The following ALPK1 variants were observed in gnomAD, a reference collection of about 807,000 sequenced individuals.
The protein encoded by ALPK1 is alpha-protein kinase 1.
Under a neutral mutation model 120.6 loss-of-function variants are expected in ALPK1, and 110 were observed. That is an observed-to-expected ratio of 0.91 (90% CI 0.78 to 1.07). The LOEUF (loss-of-function observed/expected upper bound fraction) is 1.07. Among genes scored for constraint, ALPK1 ranks in the 50% least tolerant of loss-of-function variants. The pLI, the probability that ALPK1 is intolerant of heterozygous loss-of-function variation, is 0.00. For missense variants in ALPK1, 1,498 were observed against 1,483.9 expected (o/e 1.01, Z -0.16); for synonymous variants, 582 against 560.3 (o/e 1.04, Z -0.55).
At chr4:112,336,010 C>A (rs559260906) in intron 2 of ALPK1, among the ~76,000 whole-genome samples, 1 of 152,210 alleles carries the variant, frequency 6.6e-6, no homozygotes, top group African/African-American at 2.4e-5. Context: ...AACCAACCAA[C>A]CAACCAACCA....
intron 2 of ALPK1, among the ~76,000 whole-genome samples, chr4:112,326,528 G>A (rs999883903): frequency 2.0e-5 from 3 of 152,156 alleles, no homozygotes; most frequent in Non-Finnish European, 4.4e-5. Flanking sequence ...ATACTGTGGA[G>A]AGAGAGAAAG....
intron 2 of ALPK1, among the ~76,000 whole-genome samples, chr4:112,342,507 A>C (rs1390738502): frequency 6.6e-6 from 1 of 152,186 alleles, no homozygotes; most frequent in Admixed American, 6.5e-5. Context: ...AGAATTTCAA[A>C]ATCTTATATA....
chr4:112,363,084 G>A (rs1219972981), intron 2 of ALPK1, among the ~76,000 whole-genome samples: 1 of 152,196 alleles, frequency 6.6e-6, no homozygotes, highest in African/African-American at 2.4e-5. Context: ...CTGCTAAAAG[G>A]AGCTCTAAAT....
rs1578543290 is a variant in ALPK1 at position 112,405,793 on chromosome 4, T to G, written c.277-6034T>G. On this transcript the variant is annotated intron_variant, in intron 4 of 15. Transcript: ENST00000650871. ...GGTTTCACTACGTTGGCCAGGCTGG[T>G]CTTGAACTCCTGGCCTCATGATTCA... is the stretch of plus-strand genomic sequence containing the variant. 3.9e-5 allele frequency among the ~76,000 whole-genome samples: 6 copies of G among 152,222 alleles called. No individual in the cohort carries two copies. In the South Asian group the frequency reaches 1.2e-3, roughly 32 times the overall value.
chr4:112,304,909 C>A (rs1180326278), intron 1 of ALPK1, among the ~76,000 whole-genome samples: 1 of 152,052 alleles, frequency 6.6e-6, no homozygotes, highest in African/African-American at 2.4e-5. Context: ...TTTAATCCAT[C>A]TTGAATTAAT....
chr4:112,371,277 G>C (rs1460190631), intron 2 of ALPK1, among the ~76,000 whole-genome samples: 1 of 152,132 alleles, frequency 6.6e-6, no homozygotes, highest in Non-Finnish European at 1.5e-5. Flanking sequence ...AAAACAGAGT[G>C]ATTTTTTCCA....
intron 2 of ALPK1, among the ~76,000 whole-genome samples, chr4:112,362,639 T>A (rs1730962702): frequency 6.6e-6 from 1 of 152,162 alleles, no homozygotes; most frequent in Non-Finnish European, 1.5e-5. Flanking sequence ...AGAAGAGAAA[T>A]CTAAAAGTTT....
chr4:112,329,691 T>C (rs966925433), intron 2 of ALPK1, among the ~76,000 whole-genome samples: 2 of 152,146 alleles, frequency 1.3e-5, no homozygotes, highest in Non-Finnish European at 2.9e-5. Flanking sequence ...CAATCAGAAA[T>C]AGGCTCTGGA....
rs770001847 is a variant in ALPK1 at position 112,411,960 on chromosome 4, T to C, written c.410T>C (p.Leu137Ser). The change falls in exon 5 of 16, where the codon TTG (leucine) becomes TCG (serine). Residue 137 changes from leucine (L) to serine (S), a missense_variant. By Grantham distance (145) the Leu-to-Ser change is moderately radical. Transcript: ENST00000650871. ...LLQVAKGLHK[L>S]QPATPIAPQV... ...CAGGTCGCCAAAGGTCTCCACAAGT[T>C]GCAGCCAGCCACGCCAATTGCCCCG... The C allele has an allele frequency of 8.7e-6, 14 of 1,614,038 alleles. No homozygotes were observed. The South Asian group carries it at 1.3e-4, about 15-fold the overall frequency.
At chr4:112,380,922 G>A (rs974423623) in intron 3 of ALPK1, among the ~76,000 whole-genome samples, 32 of 152,162 alleles carry the variant, frequency 2.1e-4, no homozygotes, top group Non-Finnish European at 3.1e-4. Context: ...CAGAGCAGGC[G>A]CTCAATTCCA....
intron 1 of ALPK1, among the ~76,000 whole-genome samples, chr4:112,312,365 C>T (rs776958657): frequency 1.3e-5 from 2 of 152,130 alleles, no homozygotes; most frequent in Non-Finnish European, 2.9e-5. Flanking sequence ...GCTCCGCCTC[C>T]CGGGTCACGT....
intron 5 of ALPK1, chr4:112,412,476 T>C (rs1733529408): frequency 2.2e-6 from 1 of 457,206 alleles, no homozygotes; most frequent in South Asian, 1.5e-5. Flanking sequence ...TTTGAGGGTT[T>C]TTTTTCATCA....
chr4:112,326,312 G>A (rs557776435), intron 2 of ALPK1, among the ~76,000 whole-genome samples: 10 of 152,266 alleles, frequency 6.6e-5, no homozygotes, highest in Middle Eastern at 3.4e-3. Context: ...AACTAAGGAC[G>A]CTGCAACTGA....
At chr4:112,336,598 T>C (rs1010680760) in intron 2 of ALPK1, among the ~76,000 whole-genome samples, 4 of 152,212 alleles carry the variant, frequency 2.6e-5, no homozygotes, top group African/African-American at 9.6e-5. Context: ...TAAAGTTTTC[T>C]TCCCTCTTAA....
chr4:112,412,012 C>G lies in ALPK1; in HGVS notation c.462C>G (p.Ile154Met). 2 of 1,614,068 alleles carry G rather than the reference C, an allele frequency of 1.2e-6. No homozygotes were observed. Among genetic ancestry groups the G allele is most frequent in the Non-Finnish European group, 1.7e-6 (2 of 1,180,044 alleles). Residue 154 changes from isoleucine (I) to methionine (M), a missense_variant, in exon 5 of 16, where the codon ATC (isoleucine) becomes ATG (methionine). Physicochemically the swap from Ile to Met is conservative, Grantham distance 10 (BLOSUM62 1). Transcript: ENST00000650871. Reference protein sequence around the residue: ...APQVVIRQARISVNSGKLLKA... With the variant: ...APQVVIRQARMSVNSGKLLKA... ...AGGTGGTTATTCGCCAAGCCCGAAT[C>G]TCCGTGAACTCAGGTATGCTCCCTC...
intron 2 of ALPK1, among the ~76,000 whole-genome samples, chr4:112,319,584 A>T (rs556842606): frequency 2.1e-4 from 32 of 152,274 alleles, no homozygotes; most frequent in Non-Finnish European, 3.2e-4. Flanking sequence ...GTGAAAAATG[A>T]TGGTGGTACC....
chr4:112,314,616 C>G (rs1728553591), intron 1 of ALPK1, among the ~76,000 whole-genome samples: 1 of 152,042 alleles, frequency 6.6e-6, no homozygotes, highest in Non-Finnish European at 1.5e-5. Context: ...TTGGAGAGAC[C>G]AAGTGATCCA....
intron 1 of ALPK1, among the ~76,000 whole-genome samples, chr4:112,302,010 G>A (rs1053899677): frequency 6.6e-6 from 1 of 152,088 alleles, no homozygotes; most frequent in African/African-American, 2.4e-5. Context: ...CTGACTCTCA[G>A]ATTCACATCC....
At chr4:112,359,109 C>T (rs139548773) in intron 2 of ALPK1, 19,836 of 715,638 alleles carry the variant, frequency 0.028, 362 homozygotes, top group Non-Finnish European at 0.039. Context: ...CAAGCTGACC[C>T]TGTCCAAGGC....
Sources: allele counts gnomAD v4.1 joint callset (sites outside exome capture counted in the v4.1 genomes callset), GRCh38; gene constraint gnomAD v4.1.1; transcripts MANE v1.5; gene names NCBI Gene and HGNC (gene_info 2026-07-23, HGNC 2026-07-21).